The following PDE2A variants were observed in gnomAD, a reference collection of about 807,000 sequenced individuals.
The protein encoded by PDE2A is phosphodiesterase 2A, also known as cGMP-dependent 3',5'-cyclic phosphodiesterase.
PDE2A carries 53 observed loss-of-function variants against 133.6 expected under a neutral mutation model. The ratio of observed to expected loss-of-function variants is 0.40; its 90% confidence interval spans 0.32 to 0.50. PDE2A has a LOEUF of 0.50. Ranked by LOEUF, PDE2A falls within the 20% of genes least tolerant of loss-of-function variation. PDE2A has a pLI of 0.73. For synonymous variants in PDE2A, 491 were observed against 490.2 expected, an observed-to-expected ratio of 1.00 and a Z score of -0.02; for missense variants, 796 against 1,232.4, an observed-to-expected ratio of 0.65 and a Z score of 5.30.
At chr11:72,598,765 C>T in intron 4 of PDE2A, 2 of 985,400 alleles carry the variant, frequency 2.0e-6, no homozygotes, top group Non-Finnish European at 2.4e-6. Context: ...GGTTGAGCAT[C>T]TCGTTCAAGC....
chr11:72,674,325 C>A lies in PDE2A; in HGVS notation c.-118G>T, dbSNP rs906853692. 13 of 985,662 alleles carry A rather than the reference C, an allele frequency of 1.3e-5. No individual in the cohort carries two copies. In the East Asian group the frequency reaches 3.5e-4, roughly 27 times the overall value. The allele number at this position is 985,662 out of a possible 1,614,324, so 61.1% of individuals were successfully genotyped here. ...CACAGGGACCAAGAGCAGTGGGCTG[C>A]CCCCTACTCAGCCTGGACTCAACAC... On this transcript the variant is annotated 5_prime_UTR_variant, in exon 1 of 31. Coordinates refer to ENST00000334456, the MANE Select transcript of PDE2A (RefSeq NM_002599.5).
At chr11:72,589,281 C>T in intron 11 of PDE2A, 41 bp from the exon 12 acceptor site, 2 of 1,483,234 alleles carry the variant, frequency 1.3e-6, no homozygotes, top group Non-Finnish European at 1.9e-6. Context: ...CCAGTACTCC[C>T]CAGGTCAGGG....
chr11:72,592,447 G>A (rs371412), intron 6 of PDE2A, among the ~76,000 whole-genome samples: 16,003 of 152,290 alleles, frequency 0.11, 905 homozygotes, highest in Non-Finnish European at 0.12. Flanking sequence ...GGTGGGACGA[G>A]TGGGGAGACA....
intron 1 of PDE2A, among the ~76,000 whole-genome samples, chr11:72,661,087 C>T (rs1198125529): frequency 1.3e-5 from 2 of 152,044 alleles, no homozygotes; most frequent in African/African-American, 2.4e-5. Context: ...GGAGGATCAC[C>T]TGAGCTCAGA....
chr11:72,627,892 T>C (rs893983355), intron 2 of PDE2A, among the ~76,000 whole-genome samples: 9 of 152,208 alleles, frequency 5.9e-5, no homozygotes, highest in Admixed American at 5.2e-4. Context: ...ACAGTAATGA[T>C]GCAGAGGCCT....
chr11:72,589,384 G>C, intron 11 of PDE2A, 144 bp from the exon 12 acceptor site: 1 of 678,366 alleles, frequency 1.5e-6, no homozygotes, highest in Non-Finnish European at 2.6e-6. Context: ...GATGAGCAGA[G>C]ATGGAGGGGA....
At chr11:72,651,567 C>A (rs77041429) in intron 1 of PDE2A, among the ~76,000 whole-genome samples, 1 of 152,152 alleles carries the variant, frequency 6.6e-6, no homozygotes, top group African/African-American at 2.4e-5. Context: ...TCCTGGAGAC[C>A]CCGTTTTCTC....
chr11:72,586,994 C>T lies in PDE2A; in HGVS notation c.1071-813G>A, dbSNP rs555342066. Among the ~76,000 whole-genome samples, 7 of 152,176 alleles carry T rather than the reference C, an allele frequency of 4.6e-5. No homozygotes were observed. In the South Asian group the frequency reaches 1.5e-3, roughly 32 times the overall value. On this transcript the variant is annotated intron_variant, in intron 13 of 30. Coordinates refer to ENST00000334456, the MANE Select transcript of PDE2A (RefSeq NM_002599.5). ...GTGGTCCCTCAGCTAGCCCCACCCA[C>T]CTGTCACCCCTCAACCCAGAACATC...
intron 1 of PDE2A, among the ~76,000 whole-genome samples, chr11:72,644,272 C>T (rs554135012): frequency 2.8e-4 from 43 of 152,280 alleles, no homozygotes; most frequent in African/African-American, 9.6e-4. Flanking sequence ...TGGGCCAAGT[C>T]AATGTATTTT....
At chr11:72,672,717 C>G (rs937521981) in intron 1 of PDE2A, among the ~76,000 whole-genome samples, 2 of 148,850 alleles carry the variant, frequency 1.3e-5, no homozygotes, top group East Asian at 2.0e-4. Context: ...GTTAGCATGA[C>G]GTTGATCTCT....
Position 72,590,035 on chromosome 11 carries a change from C to CT in PDE2A, c.757-55dup. 1 of 1,494,244 alleles carries CT rather than the reference C, an allele frequency of 6.7e-7. No homozygotes were observed. The highest frequency in any genetic ancestry group is 9.2e-7 in the Non-Finnish European group (1 of 1,091,162). 92.6% of individuals were successfully genotyped at this position (1,494,244 alleles called of 1,614,324 possible). ...GTGACCGCGGATCCGGGTCACCCCA[C>CT]TCCCCACCTGCTCCCCTCTCCGGGG... is the stretch of plus-strand genomic sequence containing the variant. On this transcript the variant is annotated intron_variant, in intron 9 of 30. Coordinates refer to ENST00000334456, the MANE Select transcript of PDE2A (RefSeq NM_002599.5). The surrounding 1 kb of genome is among the most constrained non-coding windows in gnomAD (Gnocchi z 4.8).
chr11:72,595,779 G>A (rs933018474), intron 6 of PDE2A, among the ~76,000 whole-genome samples: 3 of 152,106 alleles, frequency 2.0e-5, no homozygotes, highest in African/African-American at 7.2e-5. Context: ...AGGATAGAAC[G>A]AGTTTGAACC....
chr11:72,584,500 C>A, intron 18 of PDE2A, 51 bp downstream of exon 18: 2 of 1,536,468 alleles, frequency 1.3e-6, no homozygotes, highest in Non-Finnish European at 1.8e-6. Flanking sequence ...TCGCTCGGAC[C>A]CGCCCCGCCC....
chr11:72,580,169 C>T (rs1182203483), intron 25 of PDE2A, among the ~76,000 whole-genome samples: 2 of 152,138 alleles, frequency 1.3e-5, no homozygotes, highest in Admixed American at 6.5e-5. Flanking sequence ...GCAAGGTGAC[C>T]TTGGAAATGT....
intron 13 of PDE2A, among the ~76,000 whole-genome samples, chr11:72,588,263 C>G (rs147926341): frequency 6.6e-6 from 1 of 152,324 alleles, no homozygotes; most frequent in African/African-American, 2.4e-5. Flanking sequence ...CAGGTTTGTC[C>G]TCAGTTCTCG....
chr11:72,656,357 TGAG>T (rs1430122695), intron 1 of PDE2A, among the ~76,000 whole-genome samples: 1 of 152,088 alleles, frequency 6.6e-6, no homozygotes, highest in African/African-American at 2.4e-5. Flanking sequence ...GAAGGAGCCC[TGAG>T]GAGAATGTGA....
At chr11:72,582,186 G>C (rs1855754088) in intron 21 of PDE2A, 3 of 607,518 alleles carry the variant, frequency 4.9e-6, no homozygotes, top group Non-Finnish European at 8.7e-6. Context: ...GGTTGGGAGG[G>C]ATGCAAACCC....
In PDE2A at chr11:72,581,358, C is replaced by A; in HGVS notation, c.2044G>T (p.Glu682Ter). 1 of 1,612,992 alleles carries A rather than the reference C, an allele frequency of 6.2e-7. No homozygotes were observed. The highest frequency in any genetic ancestry group is 1.1e-5 in the South Asian group (1 of 90,474). The change falls in exon 23 of 31, where the codon GAG (glutamate) becomes TAG (stop). Residue 682 changes from glutamate (E) to a stop codon, truncating the protein, a stop_gained and splice_region_variant. Coordinates refer to ENST00000334456, the MANE Select transcript of PDE2A (RefSeq NM_002599.5). LOFTEE classifies it high-confidence loss of function. ...YKNLELTNYL[E>*]DIEIFALFIS... ...TGTGGGGGAGATGCAGCCACTCACT[C>A]GAGGTAGTTGGTGAGCTCCAGGTTC...
rs115660276 is a variant in PDE2A, at chr11:72,587,574, A to G, written c.1070+1210T>C. ...CCCAATCTCACAGCCAGCAGCAAGA[A>G]GTCATGGCCCCTGCTGGACCCCCAT... On this transcript the variant is annotated intron_variant, in intron 13 of 30. Coordinates refer to ENST00000334456, the MANE Select transcript of PDE2A (RefSeq NM_002599.5). 4.9e-3 allele frequency among the ~76,000 whole-genome samples: 752 copies of G among 152,334 alleles called. 3 individuals carry two copies. Among genetic ancestry groups the G allele is most frequent in the African/African-American group, 0.017 (720 of 41,564 alleles).
Sources: allele counts gnomAD v4.1 joint callset (sites outside exome capture counted in the v4.1 genomes callset), GRCh38; gene constraint gnomAD v4.1.1; non-coding constraint Gnocchi (gnomAD v3.1); transcripts MANE v1.5; gene names NCBI Gene and HGNC (gene_info 2026-07-23, HGNC 2026-07-21).